SND1: variants seen among roughly 807,000 people sequenced by gnomAD.
The protein encoded by SND1 is staphylococcal nuclease domain-containing protein 1.
In SND1, 38 loss-of-function variants were observed where a neutral mutation model predicts 121.7. The observed-to-expected ratio is 0.31, with a 90% CI of 0.24 to 0.41. The LOEUF (loss-of-function observed/expected upper bound fraction) is 0.41. SND1 is among the 10% of genes least tolerant of loss of function. SND1 has a pLI of 1.00. For missense variants in SND1, 868 were observed against 1,184.6 expected (o/e 0.73, Z 3.92); for synonymous variants, 401 against 447.4 (o/e 0.90, Z 1.31).
chr7:128,032,872 G>A (rs1289026753), intron 16 of SND1, among the ~76,000 whole-genome samples: 1 of 152,214 alleles, frequency 6.6e-6, no homozygotes, highest in Admixed American at 6.5e-5. Context: ...TTGCGGGGGC[G>A]GGAAACAGTG....
chr7:127,904,393 A>T (rs1800292551), intron 13 of SND1: 1 of 164,818 alleles, frequency 6.1e-6, no homozygotes, highest in African/African-American at 2.4e-5. Flanking sequence ...ACGGAAAGAA[A>T]TGTTATTACT....
At chr7:127,959,039 G>C (rs534835948) in intron 15 of SND1, among the ~76,000 whole-genome samples, 6 of 152,248 alleles carry the variant, frequency 3.9e-5, no homozygotes, top group African/African-American at 1.4e-4. Context: ...TTTGTGTGGG[G>C]TTTTTTGTTG....
chr7:127,809,447 G>T (rs1798295211), intron 11 of SND1, among the ~76,000 whole-genome samples: 1 of 152,184 alleles, frequency 6.6e-6, no homozygotes, highest in African/African-American at 2.4e-5. Flanking sequence ...TGTCTTCTGG[G>T]CCTGTCACTT....
rs1385160709 is a variant in SND1 at position 127,760,298 on chromosome 7, GC to G, written c.1152+38902del. On this transcript the variant is annotated intron_variant, in intron 10 of 23. Coordinates refer to ENST00000354725, the MANE Select transcript of SND1 (RefSeq NM_014390.4). The stretch of plus-strand genomic sequence containing the variant: ...GGTGGGCTAATTGTGTCGGAAACCA[GC>G]CCCATCACTAGTTCTGAGATAGTGG... Among the ~76,000 whole-genome samples the G allele has an allele frequency of 5.3e-5, 8 of 152,322 alleles. No individual in the cohort carries two copies. The East Asian group carries it at 1.5e-3, about 29-fold the overall frequency.
chr7:127,771,120 G>A (rs73721003), intron 10 of SND1, among the ~76,000 whole-genome samples: 2,596 of 152,244 alleles, frequency 0.017, 92 homozygotes, highest in African/African-American at 0.059. Context: ...TAAGAGAAAT[G>A]GTTCTTGCTA....
intron 11 of SND1, among the ~76,000 whole-genome samples, chr7:127,815,270 T>C (rs1455706392): frequency 6.6e-6 from 1 of 152,096 alleles, no homozygotes; most frequent in Non-Finnish European, 1.5e-5. Flanking sequence ...TTAGTTAAGG[T>C]AAAATTAAGT....
intron 10 of SND1, among the ~76,000 whole-genome samples, chr7:127,738,216 C>A (rs181323101): frequency 3.9e-5 from 6 of 151,976 alleles, no homozygotes; most frequent in African/African-American, 1.5e-4. Flanking sequence ...ATTGATTACT[C>A]CTAGTGCATT....
chr7:127,658,635 G>A (rs929474871), intron 1 of SND1, among the ~76,000 whole-genome samples: 2 of 152,204 alleles, frequency 1.3e-5, no homozygotes, highest in Non-Finnish European at 2.9e-5. Context: ...TTAGTGAAAA[G>A]CAAAGTAGCA....
chr7:127,686,924 T>C (rs1021231086), intron 2 of SND1, 162 bp downstream of exon 2: 3 of 714,412 alleles, frequency 4.2e-6, no homozygotes, highest in Admixed American at 3.3e-5. Context: ...TTGTATCTGT[T>C]GTTTATATGT....
intron 10 of SND1, among the ~76,000 whole-genome samples, chr7:127,746,515 A>G (rs550417334): frequency 2.9e-4 from 44 of 152,302 alleles, no homozygotes; most frequent in African/African-American, 1.0e-3. Flanking sequence ...TCTTTTAGTA[A>G]TGTCACAGAC....
At chr7:127,840,159 A>G (rs942358050) in intron 11 of SND1, among the ~76,000 whole-genome samples, 22 of 152,252 alleles carry the variant, frequency 1.4e-4, no homozygotes, top group African/African-American at 5.1e-4. Flanking sequence ...GGTGTGTTCC[A>G]ATACCATGTA....
chr7:128,082,583 G>C (rs1326445477), intron 18 of SND1, among the ~76,000 whole-genome samples: 1 of 152,334 alleles, frequency 6.6e-6, no homozygotes, highest in Admixed American at 6.5e-5. Context: ...GAGCCTGCGG[G>C]ATTAGGTTCT....
intron 15 of SND1, among the ~76,000 whole-genome samples, chr7:127,983,029 T>C (rs1212697955): frequency 6.6e-6 from 1 of 152,246 alleles, no homozygotes; most frequent in East Asian, 1.9e-4. Context: ...TACCTGTCTA[T>C]ATATTGTTGG....
At chr7:128,042,693 G>A (rs1045077108) in intron 16 of SND1, among the ~76,000 whole-genome samples, 6 of 152,068 alleles carry the variant, frequency 3.9e-5, no homozygotes, top group South Asian at 2.1e-4. Flanking sequence ...TCTGAAAAGG[G>A]GCAGAAATAA....
intron 11 of SND1, among the ~76,000 whole-genome samples, chr7:127,839,213 A>G (rs756940959): frequency 2.6e-5 from 4 of 152,170 alleles, no homozygotes; most frequent in Non-Finnish European, 5.9e-5. Context: ...GGGTGCGTAG[A>G]GGCTTTCCAT....
intron 1 of SND1, among the ~76,000 whole-genome samples, chr7:127,680,540 G>A (rs958591705): frequency 6.6e-6 from 1 of 152,046 alleles, no homozygotes; most frequent in African/African-American, 2.4e-5. Flanking sequence ...AAAGAATTCA[G>A]CGATATTTCT....
intron 1 of SND1, among the ~76,000 whole-genome samples, chr7:127,683,328 A>T (rs1303439928): frequency 6.6e-6 from 1 of 151,992 alleles, no homozygotes; most frequent in Non-Finnish European, 1.5e-5. Flanking sequence ...CGGTTCTCCT[A>T]CCTCAGCCTC....
intron 12 of SND1, chr7:127,858,147 G>A: frequency 1.2e-6 from 1 of 834,360 alleles, no homozygotes; most frequent in Non-Finnish European, 2.1e-6. Context: ...GTGGGGGTGT[G>A]GGATTGTGGG....
At chr7:127,779,740 C>CT in intron 10 of SND1, among the ~76,000 whole-genome samples, 1 of 152,318 alleles carries the variant, frequency 6.6e-6, no homozygotes, top group South Asian at 2.1e-4. Flanking sequence ...GTTCGCCAAA[C>CT]TGGATTGTGG....
Sources: gnomAD v4.1 joint callset for allele counts (sites outside exome capture counted in the v4.1 genomes callset) on GRCh38, gnomAD v4.1.1 for gene constraint, MANE v1.5 for transcripts, NCBI Gene and HGNC (gene_info 2026-07-23, HGNC 2026-07-21) for gene names.